The following BRAF variants were observed in gnomAD, a reference collection of about 807,000 sequenced individuals.
BRAF encodes the protein B-Raf proto-oncogene, serine/threonine kinase, also known as serine/threonine-protein kinase B-raf.
Under a neutral mutation model 104.6 loss-of-function variants are expected in BRAF, and 16 were observed. That is an observed-to-expected ratio of 0.15 (90% CI 0.10 to 0.23). The LOEUF (loss-of-function observed/expected upper bound fraction) is 0.23. Among genes scored for constraint, BRAF ranks in the 10% least tolerant of loss-of-function variants. BRAF has a pLI of 1.00. For missense variants in BRAF, 541 were observed against 937.3 expected (o/e 0.58, Z 5.52); for synonymous variants, 310 against 341.6 (o/e 0.91, Z 1.02).
chr7:140,900,210 T>C (rs1340554298), intron 1 of BRAF, among the ~76,000 whole-genome samples: 1 of 152,280 alleles, frequency 6.6e-6, no homozygotes, highest in African/African-American at 2.4e-5. Context: ...TTCCTTGCCT[T>C]GCCTTTTGAG....
intron 7 of BRAF, among the ~76,000 whole-genome samples, chr7:140,798,272 CT>C (rs10525418): frequency 2.6e-5 from 3 of 115,624 alleles, no homozygotes; most frequent in South Asian, 5.1e-4. Flanking sequence ...CTTTTTTTTT[CT>C]TTTTTTTGAG....
At chr7:140,734,574 C>T (rs778765619) in intron 19 of BRAF, 38 of 1,612,948 alleles carry the variant, frequency 2.4e-5, no homozygotes, top group Non-Finnish European at 3.2e-5. Context: ...TGCTACTCTC[C>T]TGAACTCTCT....
At chr7:140,726,606 GTAAC>G (rs1257758618) in intron 19 of BRAF, 1 of 1,130,446 alleles carries the variant, frequency 8.8e-7, no homozygotes, top group African/African-American at 1.6e-5. Flanking sequence ...TCACTGAAAA[GTAAC>G]TAGTTATATA....
chr7:140,904,447 G>A (rs909704530), intron 1 of BRAF, among the ~76,000 whole-genome samples: 3 of 151,810 alleles, frequency 2.0e-5, no homozygotes, highest in Non-Finnish European at 4.4e-5. Flanking sequence ...TTTTGGGGGA[G>A]GCAGGGAGGG....
intron 8 of BRAF, among the ~76,000 whole-genome samples, chr7:140,790,133 A>T (rs1382901586): frequency 6.6e-6 from 1 of 152,194 alleles, no homozygotes; most frequent in East Asian, 1.9e-4. Context: ...GCATGTAGAA[A>T]AGCAAAGAGT....
intron 2 of BRAF, among the ~76,000 whole-genome samples, chr7:140,845,680 CTTG>C (rs1808467284): frequency 6.6e-6 from 1 of 151,660 alleles, no homozygotes; most frequent in Non-Finnish European, 1.5e-5. Context: ...TTTGTTTTGC[CTTG>C]TTTTGTTTTG....
intron 3 of BRAF, among the ~76,000 whole-genome samples, chr7:140,810,471 G>A (rs1804138287): frequency 6.6e-6 from 1 of 152,164 alleles, no homozygotes; most frequent in Non-Finnish European, 1.5e-5. Context: ...TCAGGTGGCT[G>A]AGGCACGATA....
At chr7:140,859,459 CTTT>C (rs1810157283) in intron 1 of BRAF, among the ~76,000 whole-genome samples, 1 of 152,158 alleles carries the variant, frequency 6.6e-6, no homozygotes, top group Admixed American at 6.5e-5. Context: ...CTTAATACTT[CTTT>C]ATTTTTCTCC....
chr7:140,734,388 T>C, intron 19 of BRAF: 9 of 1,418,334 alleles, frequency 6.3e-6, no homozygotes, highest in Non-Finnish European at 7.3e-6. Flanking sequence ...GCAATGTCTA[T>C]GTATTTTAAC....
chr7:140,721,226 G>A lies in BRAF; in HGVS notation c.*5268C>T, dbSNP rs1359446239. The A allele has an allele frequency of 4.6e-6, 5 of 1,089,726 alleles. No homozygotes were observed. The highest frequency in any genetic ancestry group is 5.6e-6 in the Non-Finnish European group (5 of 895,926). The allele number at this position is 1,089,726 out of a possible 1,614,324, so 67.5% of individuals were successfully genotyped here. A position where few individuals can be genotyped will look rare whatever the true frequency, so the allele number is the denominator to read the frequency against. On this transcript the variant is annotated 3_prime_UTR_variant, in exon 20 of 20. Transcript: ENST00000644969. The stretch of plus-strand genomic sequence containing the variant: ...ATTTAGTAATTAATAAAACTTAACA[G>A]TTGAAGTTGTGGATGTTAAATAAAA...
In BRAF at chr7:140,898,098, T is replaced by C. The variant is rs549917959; in HGVS notation, c.138+26468A>G. On this transcript the variant is annotated intron_variant, in intron 1 of 19. Coordinates refer to ENST00000644969, the MANE Select transcript of BRAF (RefSeq NM_001374258.1). Reference sequence around the variant, plus strand: ...GTGCATTTGTCCCAGTTACTTAGGCTGAGGCTAGAAGACTGCTTGAGCCCA... The same window carrying C: ...GTGCATTTGTCCCAGTTACTTAGGCCGAGGCTAGAAGACTGCTTGAGCCCA... Among the ~76,000 whole-genome samples, 354 of 152,248 alleles carry C rather than the reference T, an allele frequency of 2.3e-3. 1 individual carries two copies. Among genetic ancestry groups the C allele is most frequent in the African/African-American group, 8.2e-3 (341 of 41,552 alleles).
At chr7:140,923,764 G>C (rs995268467) in intron 1 of BRAF, among the ~76,000 whole-genome samples, 1 of 152,178 alleles carries the variant, frequency 6.6e-6, no homozygotes, top group East Asian at 1.9e-4. Flanking sequence ...GTGAGATCAA[G>C]TACAGAGCCT....
chr7:140,897,493 C>CTTTTTTTTT (rs1177553423), intron 1 of BRAF, among the ~76,000 whole-genome samples: 11 of 105,750 alleles, frequency 1.0e-4, no homozygotes, highest in Non-Finnish European at 1.5e-4. Flanking sequence ...TTTCTTTTTT[C>CTTTTTTTTT]TTTTTTTTTT....
downstream of BRAF, among the ~76,000 whole-genome samples, chr7:140,718,611 T>C (rs1795189116): frequency 6.6e-6 from 1 of 150,928 alleles, no homozygotes; most frequent in Non-Finnish European, 1.5e-5. Flanking sequence ...TCTCCACTCC[T>C]GACCTCAGGT....
intron 7 of BRAF, among the ~76,000 whole-genome samples, chr7:140,798,841 C>T (rs1344405415): frequency 1.3e-5 from 2 of 151,656 alleles, no homozygotes; most frequent in African/African-American, 4.8e-5. Flanking sequence ...TTAAATGACG[C>T]CTTTGCATTA....
At chr7:140,761,978 A>C (rs1180227084) in intron 14 of BRAF, among the ~76,000 whole-genome samples, 1 of 152,174 alleles carries the variant, frequency 6.6e-6, no homozygotes, top group African/African-American at 2.4e-5. Context: ...TAGACAGATC[A>C]ACGCGACAGA....
Position 140,724,169 on chromosome 7 carries a change from GAA to G in BRAF, c.*2323_*2324del. On this transcript the variant is annotated 3_prime_UTR_variant, in exon 20 of 20. Coordinates refer to ENST00000644969, the MANE Select transcript of BRAF (RefSeq NM_001374258.1). ...CACCCTGAATATTGTTTAAGAAACT[GAA>G]ATGCTAAGCTTCCTCCCTAATGGTA... 3 of 1,056,020 alleles carry G rather than the reference GAA, an allele frequency of 2.8e-6. No homozygotes were observed. Among genetic ancestry groups the G allele is most frequent in the Non-Finnish European group, 3.4e-6 (3 of 873,570 alleles). 65.4% of individuals were successfully genotyped at this position (1,056,020 alleles called of 1,614,324 possible). A position where few individuals can be genotyped will look rare whatever the true frequency, so the allele number is the denominator to read the frequency against.
rs115496642 is a variant in BRAF, at chr7:140,822,735, C to G, written c.504+11874G>C. On this transcript the variant is annotated intron_variant, in intron 3 of 19. Transcript: ENST00000644969. ...CTATGACAAAGCAACTAAGAACATT[C>G]GTATACAAATCTTTCTACGAACATA... is the stretch of plus-strand genomic sequence containing the variant. Among the ~76,000 whole-genome samples the G allele has an allele frequency of 3.6e-3, 546 of 152,302 alleles. 6 individuals are homozygous for G. Among genetic ancestry groups the G allele is most frequent in the African/African-American group, 0.012 (517 of 41,566 alleles).
rs1490015184 is a variant in BRAF, at chr7:140,721,069, A to G, written c.*5425T>C. On this transcript the variant is annotated 3_prime_UTR_variant, in exon 20 of 20. Transcript: ENST00000644969. ...TTTTCAGAGCACTTCTATCTACAGA[A>G]TTCTTTAAAAAAAAATGCACCTCTA... 1 of 1,063,920 alleles carries G rather than the reference A, an allele frequency of 9.4e-7. No homozygotes were observed. Among genetic ancestry groups the G allele is most frequent in the Non-Finnish European group, 1.1e-6 (1 of 878,526 alleles). 65.9% of individuals were successfully genotyped at this position (1,063,920 alleles called of 1,614,324 possible). A position where few individuals can be genotyped will look rare whatever the true frequency, so the allele number is the denominator to read the frequency against.
Sources: allele counts gnomAD v4.1 joint callset (sites outside exome capture counted in the v4.1 genomes callset), GRCh38; gene constraint gnomAD v4.1.1; transcripts MANE v1.5; gene names NCBI Gene and HGNC (gene_info 2026-07-23, HGNC 2026-07-21).